MAN2C1: variants seen among roughly 807,000 people sequenced by gnomAD.
MAN2C1 encodes the protein alpha-mannosidase 2C1.
In MAN2C1, 111 loss-of-function variants were observed where a neutral mutation model predicts 126.9. The ratio of observed to expected loss-of-function variants is 0.87; its 90% CI spans 0.75 to 1.02. MAN2C1 has a LOEUF of 1.02. MAN2C1 is among the 50% of genes least tolerant of loss of function. The pLI is 0.00. For synonymous variants in MAN2C1, 567 were observed against 561.5 expected, an observed-to-expected ratio of 1.01 and a Z score of -0.14; for missense variants, 1,363 against 1,364.4, an observed-to-expected ratio of 1.00 and a Z score of 0.02.
rs2072489891 is a variant in MAN2C1 at position 75,362,399 on chromosome 15, G to A, written c.952C>T (p.Gln318Ter). The change falls in exon 8 of 26, where the codon CAG becomes TAG. Residue 318 changes from glutamine to a stop codon, truncating the protein, a stop_gained. Transcript: ENST00000267978. LOFTEE classifies it high-confidence loss of function. The surrounding 1 kb of genome is among the most constrained non-coding windows in gnomAD (Gnocchi z 4.5). ...AACTGCCCACGGCACGCAAACTCCT[G>A]GATGCGGGAGTACAGGCCAGGGTAG... Reference protein sequence around the residue: ...SRYPGLYSRIQEFACRGQFVP... With the variant: ...SRYPGLYSRI 3.1e-6 allele frequency: 5 copies of A among 1,613,794 alleles called. No individual in the cohort carries two copies. Among genetic ancestry groups the A allele is most frequent in the Non-Finnish European group, 1.7e-6 (2 of 1,180,034 alleles).
chr15:75,363,227 C>T (rs1285523295), intron 6 of MAN2C1: 2 of 456,234 alleles, frequency 4.4e-6, no homozygotes, highest in Admixed American at 4.7e-5. Context: ...CTTGGCACAG[C>T]AGAGAAAGCC....
At position 75,358,804 on chromosome 15, in the gene MAN2C1, C is replaced by T. The variant is rs1156265225; in HGVS notation, c.2146G>A (p.Ala716Thr). ...SLVLVASGREAIAEGAVGNQF... is the reference protein window; with the variant it reads ...SLVLVASGRETIAEGAVGNQF... ...TTCCCCACGGCGCCCTCAGCAATGG[C>T]CTCCCTGGAAGGACATGGGATTGGT... The change falls in exon 19 of 26, where the codon GCC becomes ACC. Residue 716 changes from alanine (A) to threonine (T), a missense_variant. By Grantham distance (58) the Ala-to-Thr change is moderately conservative (BLOSUM62 0). This residue lies in a region of MAN2C1 where 668 missense variants were observed against 650.1 expected (regional missense o/e 1.03). Transcript: ENST00000267978. 3 of 1,612,334 alleles carry T rather than the reference C, an allele frequency of 1.9e-6. No individual in the cohort carries two copies. Among genetic ancestry groups the T allele is most frequent in the Non-Finnish European group, 2.5e-6 (3 of 1,178,846 alleles).
chr15:75,359,937 C>G lies in MAN2C1; in HGVS notation c.1758G>C (p.Gln586His), dbSNP rs765766016. ...FHDVVTGSCI[Q>H]MVAEEAMCHY... ...GGCACATGGCTTCCTCTGCCACCATCTGGATGCAGCTTCCAGTCACCACAT... is the reference window on the plus strand; with the variant it reads ...GGCACATGGCTTCCTCTGCCACCATGTGGATGCAGCTTCCAGTCACCACAT... The change falls in exon 15 of 26, where the codon CAG becomes CAC. Residue 586 changes from glutamine (Q) to histidine (H), a missense_variant. Physicochemically the swap from Gln to His is conservative, Grantham distance 24. This residue lies in a region of MAN2C1 where 668 missense variants were observed against 650.1 expected (regional missense o/e 1.03). Transcript: ENST00000267978. The G allele has an allele frequency of 1.9e-6, 3 of 1,613,456 alleles. No individual in the cohort carries two copies. Among genetic ancestry groups the G allele is most frequent in the Admixed American group, 3.3e-5 (2 of 59,814 alleles).
At chr15:75,368,267 G>C (rs2072628203) in intron 1 of MAN2C1, 69 bp from the exon 2 acceptor site, 1 of 1,532,254 alleles carries the variant, frequency 6.5e-7, no homozygotes, top group Non-Finnish European at 8.7e-7. Flanking sequence ...CAGCTGGCCG[G>C]TGGGGCCGCA....
intron 12 of MAN2C1, 66 bp from the exon 13 acceptor site, chr15:75,360,754 C>T: frequency 6.3e-7 from 1 of 1,581,112 alleles, no homozygotes; most frequent in Non-Finnish European, 8.6e-7. Flanking sequence ...TCTTCCACAC[C>T]AAAGCAAAGG....
In MAN2C1 at chr15:75,362,426, G is replaced by A. The variant is rs748518057; in HGVS notation, c.925C>T (p.Arg309Cys). Residue 309 changes from arginine to cysteine, a missense_variant, in exon 8 of 26, where the codon CGC (arginine) becomes TGC (cysteine). This residue lies in a region of MAN2C1 where 628 missense variants were observed against 609.8 expected (regional missense o/e 1.03). Coordinates refer to ENST00000267978, the MANE Select transcript of MAN2C1 (RefSeq NM_006715.4). The surrounding 1 kb of genome is among the most constrained non-coding windows in gnomAD (Gnocchi z 4.5). The part of the protein sequence containing the change: ...QAQQLEWVKS[R>C]YPGLYSRIQE... Reference sequence around the variant, plus strand: ...ATGCGGGAGTACAGGCCAGGGTAGCGGCTCTTCACCCATTCCAGCTGCTGC... The same window carrying A: ...ATGCGGGAGTACAGGCCAGGGTAGCAGCTCTTCACCCATTCCAGCTGCTGC... The A allele has an allele frequency of 2.5e-6, 4 of 1,613,384 alleles. No individual in the cohort carries two copies. The highest frequency in any genetic ancestry group is 1.7e-4 in the Middle Eastern group (1 of 6,044).
rs78992660 is a variant in MAN2C1, at chr15:75,356,328, G to A, written c.2859C>T (p.Pro953=). ...TSWSAFSVSS[P]AVVLETVKQA... is the part of the protein sequence containing the mutation. ...GCTTGACGGTCTCCAATACGACCGC[G>A]GGTGAAGACACGGAAAACGCACTCC... Residue 953 remains proline (P), a synonymous_variant, in exon 24 of 26, where the codon CCC becomes CCT. Transcript: ENST00000267978. The surrounding 1 kb of genome is among the most constrained non-coding windows in gnomAD (Gnocchi z 5.8). The A allele has an allele frequency of 2.3e-5, 37 of 1,611,982 alleles. No homozygotes were observed. The highest frequency in any genetic ancestry group is 1.6e-4 in the Middle Eastern group (1 of 6,064).
chr15:75,358,679 T>TA, intron 19 of MAN2C1, 25 bp downstream of exon 19: 1 of 1,245,072 alleles, frequency 8.0e-7, no homozygotes. Context: ...ACCTCCACCA[T>TA]CCCCACATGC....
At chr15:75,360,252 C>G in intron 13 of MAN2C1, 41 bp from the exon 14 acceptor site, 2 of 1,599,170 alleles carry the variant, frequency 1.3e-6, no homozygotes. Context: ...GCCTGCTTAG[C>G]TGTCCCAGGA....
chr15:75,362,269 C>T lies in MAN2C1; in HGVS notation c.1008+74G>A, dbSNP rs1424644047. ...GGCCCGTGGAAACTCACCAGCAAAG[C>T]CGGGAGGGCGGGGCTACCTGAGGGA... On this transcript the variant is annotated intron_variant, in intron 8 of 25. Transcript: ENST00000267978. The surrounding 1 kb of genome is among the most constrained non-coding windows in gnomAD (Gnocchi z 4.5). 9.6e-6 allele frequency: 13 copies of T among 1,359,780 alleles called. No individual in the cohort carries two copies. Among genetic ancestry groups the T allele is most frequent in the Non-Finnish European group, 1.2e-5 (12 of 962,992 alleles). The allele number at this position is 1,359,780 out of a possible 1,614,324, so 84.2% of individuals were successfully genotyped here.
Position 75,362,889 on chromosome 15 carries a change from C to T in MAN2C1, c.791-141G>A. Reference sequence around the variant, plus strand: ...CCCTGTGGTGTCCCTCCTAAGTGGTCACTTCACTTCACTCCAGCGAGGTGG... The same window carrying T: ...CCCTGTGGTGTCCCTCCTAAGTGGTTACTTCACTTCACTCCAGCGAGGTGG... On this transcript the variant is annotated intron_variant, in intron 6 of 25. Coordinates refer to ENST00000267978, the MANE Select transcript of MAN2C1 (RefSeq NM_006715.4). The surrounding 1 kb of genome is among the most constrained non-coding windows in gnomAD (Gnocchi z 4.5). The T allele has an allele frequency of 1.5e-6, 1 of 662,862 alleles. No individual in the cohort carries two copies. Among genetic ancestry groups the T allele is most frequent in the Non-Finnish European group, 2.6e-6 (1 of 378,880 alleles). The allele number at this position is 662,862 out of a possible 1,614,324, so 41.1% of individuals were successfully genotyped here.
chr15:75,360,866 C>T (rs2072452508), intron 12 of MAN2C1, 178 bp from the exon 13 acceptor site: 1 of 1,148,346 alleles, frequency 8.7e-7, no homozygotes, highest in South Asian at 1.6e-5. Flanking sequence ...GGGCTGGAGC[C>T]CTTACCAGCT....
Position 75,359,139 on chromosome 15 carries a change from C to G in MAN2C1, c.2061G>C (p.Val687=), listed in dbSNP as rs777402058. ...VFVVQETDGS[V]TLDNGIIRVK... ...CTCGGATGATGCCATTGTCCAGAGT[C>G]ACGGAGCCATCAGTCTTTGTGGGAG... The change falls in exon 18 of 26, where the codon GTG becomes GTC. Residue 687 remains valine, a synonymous_variant. Coordinates refer to ENST00000267978, the MANE Select transcript of MAN2C1 (RefSeq NM_006715.4). 20 of 1,613,892 alleles carry G rather than the reference C, an allele frequency of 1.2e-5. No homozygotes were observed. The highest frequency in any genetic ancestry group is 1.6e-4 in the Middle Eastern group (1 of 6,084).
chr15:75,359,587 G>A lies in MAN2C1; in HGVS notation c.1948+33C>T, dbSNP rs1340531079. On this transcript the variant is annotated intron_variant, in intron 16 of 25. Transcript: ENST00000267978. ...GATCTGTCTGGCCTCCATCCTTCCT[G>A]CTGCAGTAGCAACCCTTCCCCTCAG... 3 of 1,609,564 alleles carry A rather than the reference G, an allele frequency of 1.9e-6. No individual in the cohort carries two copies. In the African/African-American group the frequency reaches 4.0e-5, roughly 21 times the overall value.
rs1305263018 is a variant in MAN2C1 at position 75,358,167 on chromosome 15, A to C, written c.2547+34T>G. 3 of 1,611,280 alleles carry C rather than the reference A, an allele frequency of 1.9e-6. No individual in the cohort carries two copies. In the South Asian group the frequency reaches 3.3e-5, roughly 18 times the overall value. ...CAAGCAGTCTCCCCAGCCAGGGAGG[A>C]GTCCAAGGCCACTCCCACCCTGCCA... On this transcript the variant is annotated intron_variant, in intron 21 of 25. Coordinates refer to ENST00000267978, the MANE Select transcript of MAN2C1 (RefSeq NM_006715.4).
At position 75,368,178 on chromosome 15, in the gene MAN2C1, G is replaced by C; in HGVS notation, c.122C>G (p.Pro41Arg). The change falls in exon 2 of 26, where the codon CCT becomes CGT. Residue 41 changes from proline to arginine, a missense_variant. This residue lies in a region of MAN2C1 where 628 missense variants were observed against 609.8 expected (regional missense o/e 1.03). Transcript: ENST00000267978. Reference sequence around the variant, plus strand: ...CAGGAAGCTGGAGAGCACAGCCACAGGGCAGCTGGCCCCAAAAAGCCTGCG... The same window carrying C: ...CAGGAAGCTGGAGAGCACAGCCACACGGCAGCTGGCCCCAAAAAGCCTGCG... ...LRGRLFGASC[P>R]VAVLSSFLTP... 6 of 1,604,668 alleles carry C rather than the reference G, an allele frequency of 3.7e-6. No homozygotes were observed. The highest frequency in any genetic ancestry group is 5.1e-6 in the Non-Finnish European group (6 of 1,177,392).
At chr15:75,363,936 G>T in intron 6 of MAN2C1, 63 bp downstream of exon 6, 2 of 1,562,896 alleles carry the variant, frequency 1.3e-6, no homozygotes, top group Non-Finnish European at 1.8e-6. Flanking sequence ...TGCTTCTAGG[G>T]CACATCCAGG....
intron 6 of MAN2C1, chr15:75,363,090 C>T (rs1030792642): frequency 4.7e-6 from 2 of 429,532 alleles, no homozygotes; most frequent in Non-Finnish European, 9.2e-6. Flanking sequence ...TGATGTATAC[C>T]TGGGAACAGA....
Position 75,360,609 on chromosome 15 carries a change from G to T in MAN2C1, c.1540C>A (p.Leu514Ile). 1 of 1,613,884 alleles carries T rather than the reference G, an allele frequency of 6.2e-7. No homozygotes were observed. Among genetic ancestry groups the T allele is most frequent in the South Asian group, 1.1e-5 (1 of 91,082 alleles). The change falls in exon 13 of 26, where the codon CTC (leucine) becomes ATC (isoleucine). Residue 514 changes from leucine to isoleucine, a missense_variant. By Grantham distance (5) the Leu-to-Ile change is conservative. Around this residue, in one of 3 missense-constraint regions of MAN2C1, gnomAD observed 67 missense variants for 104.5 expected, o/e 0.64. Coordinates refer to ENST00000267978, the MANE Select transcript of MAN2C1 (RefSeq NM_006715.4). ...GTGCCATTGTGCAGCTCCAAGAAGA[G>T]CTCCCCAACCCACGTGCACAGCTGC... The part of the protein sequence containing the change: ...SEQLCTWVGE[L>I]FLELHNGTYT...
Sources: gnomAD v4.1 joint callset for allele counts on GRCh38, gnomAD v4.1.1 for gene constraint, gnomAD v4.1.1 regional missense constraint, Gnocchi (gnomAD v3.1) non-coding constraint, MANE v1.5 for transcripts, NCBI Gene and HGNC (gene_info 2026-07-23, HGNC 2026-07-21) for gene names.